Variants in PKHD1L1 observed in about 807,000 individuals in gnomAD.
The protein encoded by PKHD1L1 is PKHD1 like 1.
In PKHD1L1, 434 loss-of-function variants were observed where a neutral mutation model predicts 462.9. The ratio of observed to expected loss-of-function variants is 0.94; its 90% confidence interval spans 0.87 to 1.02. The LOEUF (loss-of-function observed/expected upper bound fraction) is 1.02, where lower values mean the gene tolerates loss of function less well. Ranked by LOEUF, PKHD1L1 falls within the 50% of genes least tolerant of loss-of-function variation. PKHD1L1 has a pLI of 0.00. For missense variants in PKHD1L1, 5,202 were observed against 5,096.1 expected, an observed-to-expected ratio of 1.02 and a Z score of -0.63; for synonymous variants, 1,781 against 1,750.0, an observed-to-expected ratio of 1.02 and a Z score of -0.44.
At position 109,435,190 on chromosome 8, in the gene PKHD1L1, A is replaced by G; in HGVS notation, c.3341A>G (p.Glu1114Gly). The G allele has an allele frequency of 6.2e-7, 1 of 1,611,628 alleles. No individual in the cohort carries two copies. Among genetic ancestry groups the G allele is most frequent in the Non-Finnish European group, 8.5e-7 (1 of 1,179,102 alleles). Residue 1114 changes from glutamate (E) to glycine (G), a missense_variant and splice_region_variant, in exon 29 of 78, where the codon GAA becomes GGA. Physicochemically the swap from Glu to Gly is moderately conservative, Grantham distance 98. Transcript: ENST00000378402. The stretch of plus-strand genomic sequence containing the variant: ...TTCATCTTTTTCTTTTTTTCACAAG[A>G]AAAAGAGCTCAAGTGCCAGATTCTG... ...PVGCSLLSVDEKELKCQILNG... is the reference protein window; with the variant it reads ...PVGCSLLSVDGKELKCQILNG...
In PKHD1L1 at chr8:109,401,509, T is replaced by C. The variant is rs1392748637; in HGVS notation, c.1294T>C (p.Tyr432His). The change falls in exon 14 of 78, where the codon TAT (tyrosine) becomes CAT (histidine). Residue 432 changes from tyrosine (Y) to histidine (H), a missense_variant. Tyr to His is a moderately conservative substitution (Grantham distance 83, BLOSUM62 2). Coordinates refer to ENST00000378402, the MANE Select transcript of PKHD1L1 (RefSeq NM_177531.6). ...GLPEDKVRIA[Y>H]HSANANSYFS... ...TCTCTCGGATTAGGTGAGGATTGCA[T>C]ATCATTCTGCTAATGCCAACAGTTA... The C allele has an allele frequency of 1.3e-6, 2 of 1,574,856 alleles. No individual in the cohort carries two copies. The highest frequency in any genetic ancestry group is 2.2e-5 in the South Asian group (2 of 89,452).
Position 109,394,421 on chromosome 8 carries a change from T to A in PKHD1L1, c.747T>A (p.Phe249Leu), listed in dbSNP as rs1309739658. The A allele has an allele frequency of 1.3e-6, 2 of 1,490,950 alleles. No individual in the cohort carries two copies. Among genetic ancestry groups the A allele is most frequent in the Admixed American group, 2.2e-5 (1 of 44,866 alleles). 92.4% of individuals were successfully genotyped at this position (1,490,950 alleles called of 1,614,324 possible). A position where few individuals can be genotyped will look rare whatever the true frequency, so the allele number is the denominator to read the frequency against. The change falls in exon 10 of 78, where the codon TTT becomes TTA. Residue 249 changes from phenylalanine to leucine, a missense_variant. Around this residue, in one of 3 missense-constraint regions of PKHD1L1, gnomAD observed 4,497 missense variants for 4,336.8 expected, o/e 1.04. Coordinates refer to ENST00000378402, the MANE Select transcript of PKHD1L1 (RefSeq NM_177531.6). ...FILDNDYGRS[F>L]PQKMAYFVSS... ...TTTAATCTTTTTTTAACAGGAGTTT[T>A]CCACAGAAAATGGCATATTTTGTTT...
At chr8:109,472,089 T>TC (rs1817750354) in intron 50 of PKHD1L1, among the ~76,000 whole-genome samples, 1 of 151,656 alleles carries the variant, frequency 6.6e-6, no homozygotes, top group Non-Finnish European at 1.5e-5. Flanking sequence ...GTGTTTATTT[T>TC]TTAAAAAAAA....
chr8:109,503,908 G>T lies in PKHD1L1; in HGVS notation c.10829-419G>T, dbSNP rs187524485. On this transcript the variant is annotated intron_variant, in intron 67 of 77. Coordinates refer to ENST00000378402, the MANE Select transcript of PKHD1L1 (RefSeq NM_177531.6). ...CTTCCATGACTGGAGGTTGGTGCTTGCTGACAGTTGGTGCTGGCCATTAGC... is the reference window on the plus strand; with the variant it reads ...CTTCCATGACTGGAGGTTGGTGCTTTCTGACAGTTGGTGCTGGCCATTAGC... 2.7e-3 allele frequency among the ~76,000 whole-genome samples: 412 copies of T among 152,300 alleles called. 3 individuals carry two copies. The Middle Eastern group carries it at 0.027, about 10-fold the overall frequency.
At position 109,400,263 on chromosome 8, in the gene PKHD1L1, T is replaced by C; in HGVS notation, c.1200T>C (p.Asp400=). ...TTAGTGGATTTTTGGTGGCTCCAGATTCTGATGTTTATAGATTCTACATCA... is the reference window on the plus strand; with the variant it reads ...TTAGTGGATTTTTGGTGGCTCCAGACTCTGATGTTTATAGATTCTACATCA... ...ARFSGFLVAP[D]SDVYRFYIKG... is the part of the protein sequence containing the mutation. Residue 400 remains aspartate, a synonymous_variant, in exon 13 of 78, where the codon GAT becomes GAC. Coordinates refer to ENST00000378402, the MANE Select transcript of PKHD1L1 (RefSeq NM_177531.6). The C allele has an allele frequency of 6.2e-7, 1 of 1,613,680 alleles. No homozygotes were observed. Among genetic ancestry groups the C allele is most frequent in the Non-Finnish European group, 8.5e-7 (1 of 1,179,650 alleles).
intron 18 of PKHD1L1, 95 bp from the exon 19 acceptor site, chr8:109,409,770 T>G: frequency 3.7e-6 from 2 of 541,920 alleles, no homozygotes; most frequent in Non-Finnish European, 6.2e-6. Flanking sequence ...TATGAAAATG[T>G]CCTATTAAAA....
intron 53 of PKHD1L1, among the ~76,000 whole-genome samples, chr8:109,479,196 G>A (rs546904665): frequency 1.1e-4 from 17 of 152,158 alleles, no homozygotes; most frequent in African/African-American, 3.6e-4. Context: ...ACTGAAGACC[G>A]TCTGTCCTCC....
chr8:109,411,020 C>T (rs1813832298), intron 19 of PKHD1L1, among the ~76,000 whole-genome samples: 2 of 151,886 alleles, frequency 1.3e-5, no homozygotes, highest in Non-Finnish European at 1.5e-5. Context: ...AGCCACCGCA[C>T]CCGGCCTTGG....
chr8:109,511,075 A>T, intron 71 of PKHD1L1, 141 bp downstream of exon 71: 1 of 960,774 alleles, frequency 1.0e-6, no homozygotes, highest in Non-Finnish European at 1.5e-6. Context: ...TACCACTGAA[A>T]TTATTATTAG....
At chr8:109,448,111 T>G in intron 38 of PKHD1L1, 32 bp from the exon 39 acceptor site, 1 of 1,538,110 alleles carries the variant, frequency 6.5e-7, no homozygotes, top group African/African-American at 1.4e-5. Flanking sequence ...TAGTTAGATA[T>G]ATTTATATTG....
At chr8:109,366,624 TAATA>T (rs981282626) in intron 2 of PKHD1L1, among the ~76,000 whole-genome samples, 3 of 152,130 alleles carry the variant, frequency 2.0e-5, no homozygotes, top group African/African-American at 7.2e-5. Context: ...AAAAATTTTT[TAATA>T]AATAGAGCAG....
At chr8:109,508,324 T>G in intron 70 of PKHD1L1, 60 bp downstream of exon 70, 1 of 1,467,226 alleles carries the variant, frequency 6.8e-7, no homozygotes, top group Admixed American at 2.2e-5. Flanking sequence ...ATTAAATGCA[T>G]GAAGCCATCT....
chr8:109,484,183 C>A (rs1818413304), intron 57 of PKHD1L1, among the ~76,000 whole-genome samples: 1 of 151,814 alleles, frequency 6.6e-6, no homozygotes, highest in African/African-American at 2.4e-5. Context: ...CATCTACTTA[C>A]AATATGTTTT....
At position 109,531,292 on chromosome 8, in the gene PKHD1L1, C is replaced by T. The variant is rs2154660; in HGVS notation, c.*1202C>T. Among the ~76,000 whole-genome samples the T allele has an allele frequency of 0.76, 116,065 of 152,178 alleles. 44,958 individuals are homozygous for T. The highest frequency in any genetic ancestry group is 0.93 in the Middle Eastern group (273 of 294). ...TGGTATAAATGTGGCATTTCATTCA[C>T]TTGAGCAGTATCTGTTGGGTGTTCT... is the stretch of plus-strand genomic sequence containing the variant. On this transcript the variant is annotated 3_prime_UTR_variant, in exon 78 of 78. Transcript: ENST00000378402.
intron 59 of PKHD1L1, among the ~76,000 whole-genome samples, chr8:109,489,353 A>G (rs1002072133): frequency 6.6e-6 from 1 of 151,900 alleles, no homozygotes; most frequent in African/African-American, 2.4e-5. Context: ...ATTGCCTGTT[A>G]TGCATTTAGT....
chr8:109,517,479 G>A (rs1385876517), intron 72 of PKHD1L1, among the ~76,000 whole-genome samples: 2 of 152,056 alleles, frequency 1.3e-5, no homozygotes, highest in Admixed American at 1.3e-4. Context: ...AAGTGTTAGT[G>A]GGTTTGTTAG....
intron 14 of PKHD1L1, 36 bp from the exon 15 acceptor site, chr8:109,404,517 GA>G: frequency 7.5e-7 from 1 of 1,326,812 alleles, no homozygotes; most frequent in Non-Finnish European, 1.0e-6. Context: ...AAGTGTTCTG[GA>G]AAAAAGTTAT....
At chr8:109,490,170 T>C (rs562378542) in intron 60 of PKHD1L1, 115 bp downstream of exon 60, 1 of 651,248 alleles carries the variant, frequency 1.5e-6, no homozygotes, top group South Asian at 2.8e-5. Flanking sequence ...TCTAATATAA[T>C]AAAACTTTCT....
rs1003761050 is a variant in PKHD1L1, at chr8:109,430,152, A to G, written c.3229+115A>G. ...CTAGTGTCACTAGCTAAAGCAAGCA[A>G]ACAGTTCTACATTGTGAAAATTAAA... On this transcript the variant is annotated intron_variant, in intron 27 of 77. Transcript: ENST00000378402. 3.4e-5 allele frequency: 22 copies of G among 641,730 alleles called. No individual in the cohort carries two copies. In the African/African-American group the frequency reaches 3.5e-4, roughly 10 times the overall value. The allele number at this position is 641,730 out of a possible 1,614,324, so 39.8% of individuals were successfully genotyped here.
Sources: allele counts gnomAD v4.1 joint callset (sites outside exome capture counted in the v4.1 genomes callset), GRCh38; gene constraint gnomAD v4.1.1; regional missense constraint gnomAD v4.1.1; transcripts MANE v1.5; gene names NCBI Gene and HGNC (gene_info 2026-07-23, HGNC 2026-07-21).